TENM2: variants seen among roughly 807,000 people sequenced by gnomAD.
TENM2 encodes the protein teneurin transmembrane protein 2.
TENM2 carries 52 observed loss-of-function variants against 245.2 expected under a neutral mutation model. The ratio of observed to expected loss-of-function variants is 0.21; its 90% confidence interval spans 0.17 to 0.27. The LOEUF (loss-of-function observed/expected upper bound fraction) is 0.27. Ranked by LOEUF, TENM2 falls within the 10% of genes least tolerant of loss-of-function variation. The probability of loss-of-function intolerance (pLI) is 1.00; values close to 1 mark genes in which losing one functional copy is unlikely to be tolerated. For missense variants in TENM2, 3,046 were observed against 3,666.8 expected, an observed-to-expected ratio of 0.83 and a Z score of 4.37; for synonymous variants, 1,363 against 1,438.9, an observed-to-expected ratio of 0.95 and a Z score of 1.19.
chr5:167,100,267 G>A, the TENM2 span, among the ~76,000 whole-genome samples: 1 of 152,174 alleles, frequency 6.6e-6, no homozygotes, highest in African/African-American at 2.4e-5. Flanking sequence ...CTTGAAAGGG[G>A]GAAGGCACAG....
At chr5:167,684,292 CA>C (rs1234382211) in intron 2 of TENM2, among the ~76,000 whole-genome samples, 1 of 152,182 alleles carries the variant, frequency 6.6e-6, no homozygotes, top group East Asian at 1.9e-4. Flanking sequence ...TGGGTGAGCA[CA>C]GGGGTAGCCT....
At chr5:167,649,889 C>T (rs964825813) in intron 2 of TENM2, among the ~76,000 whole-genome samples, 3 of 152,130 alleles carry the variant, frequency 2.0e-5, no homozygotes, top group African/African-American at 4.8e-5. Context: ...CATTCTTATG[C>T]ATGTATGTTT....
At chr5:167,716,563 A>C (rs1397949114) in intron 2 of TENM2, among the ~76,000 whole-genome samples, 1 of 152,224 alleles carries the variant, frequency 6.6e-6, no homozygotes, top group Non-Finnish European at 1.5e-5. Flanking sequence ...CAAAGTCAAG[A>C]AGCACAGAGC....
At chr5:168,189,344 C>T (rs1442302563) in intron 13 of TENM2, among the ~76,000 whole-genome samples, 1 of 152,200 alleles carries the variant, frequency 6.6e-6, no homozygotes, top group Non-Finnish European at 1.5e-5. Context: ...TGAGTCAGTC[C>T]TGTCAGTTTC....
intron 2 of TENM2, among the ~76,000 whole-genome samples, chr5:167,593,317 C>T (rs1775997746): frequency 6.6e-6 from 1 of 152,160 alleles, no homozygotes; most frequent in African/African-American, 2.4e-5. Flanking sequence ...GCTAAGAAAA[C>T]AATTGTTTTT....
chr5:167,848,157 A>G (rs762666043), intron 2 of TENM2, among the ~76,000 whole-genome samples: 2 of 152,226 alleles, frequency 1.3e-5, no homozygotes, highest in Non-Finnish European at 2.9e-5. Flanking sequence ...TCAGTGGACT[A>G]CAATGAATGG....
intron 12 of TENM2, among the ~76,000 whole-genome samples, chr5:168,160,067 A>G (rs1052250936): frequency 6.6e-6 from 1 of 152,228 alleles, no homozygotes; most frequent in African/African-American, 2.4e-5. Context: ...TCCACCAAAT[A>G]GATACCATGC....
intron 2 of TENM2, among the ~76,000 whole-genome samples, chr5:167,610,612 T>G (rs2127748791): frequency 6.6e-6 from 1 of 152,328 alleles, no homozygotes; most frequent in Admixed American, 6.5e-5. Context: ...CACAGGCTTC[T>G]TTTGAATTCA....
At chr5:167,856,829 A>G (rs1771141169) in intron 2 of TENM2, among the ~76,000 whole-genome samples, 1 of 152,208 alleles carries the variant, frequency 6.6e-6, no homozygotes, top group Non-Finnish European at 1.5e-5. Flanking sequence ...GCCGCTCAGG[A>G]CTGCTGAAAT....
the TENM2 span, among the ~76,000 whole-genome samples, chr5:167,005,728 A>T: frequency 7.9e-6 from 1 of 126,560 alleles, no homozygotes; most frequent in African/African-American, 3.1e-5. Flanking sequence ...ATGGCGTGGT[A>T]TTGGCTCACT....
At chr5:167,070,777 T>C in the TENM2 span, among the ~76,000 whole-genome samples, 1 of 152,160 alleles carries the variant, frequency 6.6e-6, no homozygotes, top group African/African-American at 2.4e-5. Flanking sequence ...CCTTACACTG[T>C]ACCCAGTGTA....
intron 2 of TENM2, among the ~76,000 whole-genome samples, chr5:167,654,309 C>T (rs1754685689): frequency 6.6e-6 from 1 of 152,070 alleles, no homozygotes; most frequent in Non-Finnish European, 1.5e-5. Context: ...TAAATAGGGC[C>T]TGAACAAAAG....
intron 2 of TENM2, among the ~76,000 whole-genome samples, chr5:167,449,490 T>A (rs1765430760): frequency 6.7e-6 from 1 of 149,754 alleles, no homozygotes; most frequent in Non-Finnish European, 1.5e-5. Flanking sequence ...TGGCAGAGTG[T>A]GCATACCCTA....
intron 6 of TENM2, among the ~76,000 whole-genome samples, chr5:168,049,032 ACTTGACACTGTCTGCTC>A (rs1788854701): frequency 6.6e-6 from 1 of 152,222 alleles, no homozygotes; most frequent in Admixed American, 6.5e-5. Context: ...CACCTCCAGT[ACTTGACACTGTCTGCTC>A]CTTCAGTTTT....
rs369280152 is a variant in TENM2 at position 167,562,850 on chromosome 5, G to A, written c.502+187377G>A. ...CAGGCGCCTGTAGTCCCAGCTGCTC[G>A]GGAGGCTGAGGCAGGAGAATCGCTT... On this transcript the variant is annotated intron_variant, in intron 2 of 28. Transcript: ENST00000518659. Among the ~76,000 whole-genome samples the A allele has an allele frequency of 2.1e-3, 314 of 151,946 alleles. 12 individuals carry two copies. The South Asian group carries it at 0.063, about 30-fold the overall frequency.
At chr5:168,162,460 C>A in intron 12 of TENM2, 151 bp from the exon 15 acceptor site, 1 of 724,626 alleles carries the variant, frequency 1.4e-6, no homozygotes, top group Non-Finnish European at 2.3e-6. Flanking sequence ...GCGTTGCCTG[C>A]TCCCCTGACT....
chr5:167,832,645 G>A (rs1768607699), intron 2 of TENM2, among the ~76,000 whole-genome samples: 1 of 151,982 alleles, frequency 6.6e-6, no homozygotes. Context: ...GTAAGGATGG[G>A]GAGAGGAAAA....
intron 23 of TENM2, among the ~76,000 whole-genome samples, chr5:168,220,757 A>C (rs1440127106): frequency 6.6e-6 from 1 of 152,176 alleles, no homozygotes; most frequent in Non-Finnish European, 1.5e-5. Context: ...GCATAGCCTT[A>C]GCCAAAACTT....
At chr5:167,299,592 T>G (rs1755183100) in intron 1 of TENM2, among the ~76,000 whole-genome samples, 1 of 152,128 alleles carries the variant, frequency 6.6e-6, no homozygotes, top group Non-Finnish European at 1.5e-5. Context: ...AATGAGAGGT[T>G]TTAAGAGGCA....
Sources: gnomAD v4.1 joint callset for allele counts (sites outside exome capture counted in the v4.1 genomes callset) on GRCh38, gnomAD v4.1.1 for gene constraint, MANE v1.5 for transcripts, NCBI Gene and HGNC (gene_info 2026-07-23, HGNC 2026-07-21) for gene names.